Variants in AIG1 observed in about 807,000 individuals in gnomAD.
AIG1 encodes the protein androgen induced 1.
Under a neutral mutation model 31.4 loss-of-function variants are expected in AIG1, and 23 were observed. The observed-to-expected ratio is 0.73, with a 90% CI of 0.53 to 1.04. The LOEUF is 1.04. AIG1 is among the 50% of genes least tolerant of loss of function. The pLI is 0.00. For synonymous variants in AIG1, 100 were observed against 110.5 expected, an observed-to-expected ratio of 0.90 and a Z score of 0.60; for missense variants, 274 against 295.0, an observed-to-expected ratio of 0.93 and a Z score of 0.52.
chr6:143,165,702 C>T (rs1454694019), intron 3 of AIG1, among the ~76,000 whole-genome samples: 1 of 152,172 alleles, frequency 6.6e-6, no homozygotes, highest in Non-Finnish European at 1.5e-5. Flanking sequence ...AATTGTTTGC[C>T]TCGTAGGGTT....
intron 4 of AIG1, among the ~76,000 whole-genome samples, chr6:143,311,083 T>G (rs1017278147): frequency 1.3e-5 from 2 of 151,964 alleles, no homozygotes; most frequent in African/African-American, 4.8e-5. Flanking sequence ...GAATACCTCC[T>G]AACTCATTCT....
intron 3 of AIG1, among the ~76,000 whole-genome samples, chr6:143,270,596 A>C (rs1488249987): frequency 6.6e-6 from 1 of 152,222 alleles, no homozygotes; most frequent in Non-Finnish European, 1.5e-5. Flanking sequence ...TCTAGACTAT[A>C]CTGGGCTCTA....
chr6:143,188,859 A>G (rs1405309083), intron 3 of AIG1: 4 of 985,392 alleles, frequency 4.1e-6, no homozygotes, highest in Non-Finnish European at 4.8e-6. Flanking sequence ...GGATTTTTCA[A>G]TAAGAAATTT....
At chr6:143,278,832 G>A (rs1450480155) in intron 3 of AIG1, among the ~76,000 whole-genome samples, 2 of 151,978 alleles carry the variant, frequency 1.3e-5, no homozygotes, top group African/African-American at 2.4e-5. Flanking sequence ...CACAGATAGG[G>A]GAGGCCTCAA....
intron 1 of AIG1, among the ~76,000 whole-genome samples, chr6:143,091,690 G>T (rs1408412841): frequency 1.3e-5 from 2 of 152,138 alleles, no homozygotes; most frequent in Non-Finnish European, 2.9e-5. Context: ...CTATAGAAAT[G>T]GCTCTGCGAA....
At chr6:143,074,776 G>A (rs1275678682) in intron 1 of AIG1, among the ~76,000 whole-genome samples, 1 of 152,138 alleles carries the variant, frequency 6.6e-6, no homozygotes, top group Non-Finnish European at 1.5e-5. Context: ...CTAATATTTT[G>A]TTGAGTTTTT....
At chr6:143,222,018 G>A (rs998403303) in intron 3 of AIG1, among the ~76,000 whole-genome samples, 2 of 152,118 alleles carry the variant, frequency 1.3e-5, no homozygotes, top group African/African-American at 4.8e-5. Flanking sequence ...AATAGGCTGC[G>A]AACACCCCAG....
intron 3 of AIG1, among the ~76,000 whole-genome samples, chr6:143,239,571 C>G (rs931295607): frequency 6.6e-6 from 1 of 152,198 alleles, no homozygotes; most frequent in East Asian, 1.9e-4. Flanking sequence ...CCTCTTTCAC[C>G]ACACGATCTT....
intron 3 of AIG1, among the ~76,000 whole-genome samples, chr6:143,278,456 TTTC>T (rs1240254465): frequency 1.3e-5 from 2 of 151,590 alleles, no homozygotes. Context: ...GTATATCTTT[TTTC>T]TTTTCTTTTT....
chr6:143,209,203 C>T (rs1253267878), intron 3 of AIG1, among the ~76,000 whole-genome samples: 1 of 152,156 alleles, frequency 6.6e-6, no homozygotes, highest in African/African-American at 2.4e-5. Flanking sequence ...ATCCATTTAC[C>T]ACGTACTGAA....
intron 3 of AIG1, among the ~76,000 whole-genome samples, chr6:143,173,738 G>A (rs1427936658): frequency 1.3e-5 from 2 of 152,142 alleles, no homozygotes; most frequent in South Asian, 4.1e-4. Context: ...ATTCCACTGT[G>A]GCCTGAGAGA....
chr6:143,154,726 T>C (rs1785559028), intron 2 of AIG1, among the ~76,000 whole-genome samples: 1 of 152,138 alleles, frequency 6.6e-6, no homozygotes, highest in Admixed American at 6.5e-5. Context: ...GTTTTGAGGA[T>C]GTACCATGGC....
At chr6:143,252,394 TAC>T (rs1259816326) in intron 3 of AIG1, among the ~76,000 whole-genome samples, 2 of 152,190 alleles carry the variant, frequency 1.3e-5, no homozygotes, top group Non-Finnish European at 2.9e-5. Flanking sequence ...GTGCTGGGAT[TAC>T]AGACGTGAGG....
chr6:143,257,901 G>T (rs1234776984), intron 3 of AIG1, among the ~76,000 whole-genome samples: 1 of 152,116 alleles, frequency 6.6e-6, no homozygotes, highest in Admixed American at 6.5e-5. Context: ...TTGAGTGAGA[G>T]GCTGAGACCC....
chr6:143,067,881 C>G (rs1776867550), intron 1 of AIG1, among the ~76,000 whole-genome samples: 1 of 152,106 alleles, frequency 6.6e-6, no homozygotes, highest in Non-Finnish European at 1.5e-5. Context: ...TCAGGAGACT[C>G]AGACTTGACC....
At chr6:143,264,783 C>T in intron 3 of AIG1, among the ~76,000 whole-genome samples, 1 of 152,204 alleles carries the variant, frequency 6.6e-6, no homozygotes, top group Non-Finnish European at 1.5e-5. Context: ...CCAAAGCATA[C>T]TGCTCTCTGC....
chr6:143,251,600 T>C (rs73594137), intron 3 of AIG1, among the ~76,000 whole-genome samples: 1,851 of 152,280 alleles, frequency 0.012, 27 homozygotes, highest in African/African-American at 0.042. Context: ...GTGCTGCCTA[T>C]TATGGGTGCA....
At position 143,297,911 on chromosome 6, in the gene AIG1, G is replaced by C; in HGVS notation, c.515+13686G>C. Among the ~76,000 whole-genome samples, 2 of 151,584 alleles carry C rather than the reference G, an allele frequency of 1.3e-5. No individual in the cohort carries two copies. The highest frequency in any genetic ancestry group is 1.3e-4 in the Admixed American group (2 of 15,216). On this transcript the variant is annotated intron_variant, in intron 4 of 5. Coordinates refer to ENST00000357847, the MANE Select transcript of AIG1 (RefSeq NM_016108.4). This position sits in a 1 kb window ranked among gnomAD's most constrained non-coding sequence, Gnocchi z 5.1. ...TATCCTTGGGCTGTGATATTCTCAC[G>C]CAACAGTAGAAAAACAAGATGTGTA... is the stretch of plus-strand genomic sequence containing the variant.
At chr6:143,257,664 G>A (rs1277923236) in intron 3 of AIG1, among the ~76,000 whole-genome samples, 2 of 152,100 alleles carry the variant, frequency 1.3e-5, no homozygotes, top group Non-Finnish European at 1.5e-5. Flanking sequence ...AAATAAAGTT[G>A]CCGTGTTTTA....
Sources: allele counts gnomAD v4.1 joint callset (sites outside exome capture counted in the v4.1 genomes callset), GRCh38; gene constraint gnomAD v4.1.1; non-coding constraint Gnocchi (gnomAD v3.1); transcripts MANE v1.5; gene names NCBI Gene and HGNC (gene_info 2026-07-23, HGNC 2026-07-21).